Variants in CSMD1 observed in about 807,000 individuals in gnomAD.
CSMD1 encodes CUB and Sushi multiple domains 1.
CSMD1 carries 213 observed loss-of-function variants against 417.5 expected under a neutral mutation model. The ratio of observed to expected loss-of-function variants is 0.51; its 90% CI spans 0.46 to 0.57. The LOEUF (loss-of-function observed/expected upper bound fraction) is 0.57. Among genes scored for constraint, CSMD1 ranks in the 20% least tolerant of loss-of-function variants. The pLI is 0.00. For missense variants in CSMD1, 6,923 were observed against 4,529.7 expected, an observed-to-expected ratio of 1.53 and a Z score of -15.17; for synonymous variants, 2,862 against 1,736.8, an observed-to-expected ratio of 1.65 and a Z score of -16.11.
chr8:4,694,563 C>T (rs1806993856), intron 1 of CSMD1, among the ~76,000 whole-genome samples: 2 of 151,860 alleles, frequency 1.3e-5, no homozygotes, highest in Admixed American at 1.3e-4. Flanking sequence ...CGGGGTTTCA[C>T]CATATTAGCC....
At chr8:3,494,781 C>A (rs573626313) in intron 10 of CSMD1, among the ~76,000 whole-genome samples, 1 of 152,056 alleles carries the variant, frequency 6.6e-6, no homozygotes, top group Non-Finnish European at 1.5e-5. Context: ...GGAACAGAAA[C>A]CATAATACTG....
chr8:4,379,870 G>A (rs1371584565), intron 3 of CSMD1, among the ~76,000 whole-genome samples: 3 of 152,202 alleles, frequency 2.0e-5, no homozygotes, highest in African/African-American at 4.8e-5. Context: ...ATGTTCACAT[G>A]CTGGCATGCT....
At chr8:3,615,023 A>G (rs1013001101) in intron 8 of CSMD1, among the ~76,000 whole-genome samples, 13 of 152,172 alleles carry the variant, frequency 8.5e-5, no homozygotes, top group Admixed American at 3.9e-4. Context: ...GGGCAATTTT[A>G]TTTCGTTGCT....
rs200578726 is a variant in CSMD1, at chr8:3,162,309, T to C, written c.5726-32A>G. On this transcript the variant is annotated intron_variant, in intron 37 of 69. Coordinates refer to ENST00000635120, the MANE Select transcript of CSMD1 (RefSeq NM_033225.6). ...ATGCAAAGACAAATGCTAGAAATTA[T>C]ATGATGTAAACAATATTCTTATCAT... 2.4e-4 allele frequency: 327 copies of C among 1,350,470 alleles called. 1 individual carries two copies. Among genetic ancestry groups the C allele is most frequent in the Non-Finnish European group, 3.2e-4 (304 of 957,980 alleles). The allele number at this position is 1,350,470 out of a possible 1,614,324, so 83.7% of individuals were successfully genotyped here. A position where few individuals can be genotyped will look rare whatever the true frequency, so the allele number is the denominator to read the frequency against.
intron 3 of CSMD1, among the ~76,000 whole-genome samples, chr8:4,221,991 C>T (rs965507310): frequency 2.6e-5 from 4 of 152,030 alleles, no homozygotes; most frequent in African/African-American, 7.3e-5. Context: ...GTCCACCCAA[C>T]GGTCTGTCCC....
At chr8:3,052,672 G>A in intron 49 of CSMD1, 25 bp from the exon 50 acceptor site, 6 of 1,487,532 alleles carry the variant, frequency 4.0e-6, no homozygotes, top group Non-Finnish European at 5.4e-6. Context: ...AACAAATGTA[G>A]GCTTATTCTT....
chr8:3,528,389 G>C (rs971502358), intron 10 of CSMD1, among the ~76,000 whole-genome samples: 77 of 152,284 alleles, frequency 5.1e-4, no homozygotes, highest in African/African-American at 1.7e-3. Flanking sequence ...AAGAGCACTT[G>C]TCTTAGCACT....
chr8:4,395,917 G>C (rs1024455335), intron 3 of CSMD1, among the ~76,000 whole-genome samples: 16 of 152,186 alleles, frequency 1.1e-4, no homozygotes, highest in African/African-American at 2.7e-4. Flanking sequence ...TTGTAAGTCT[G>C]ACAGTTTTTG....
chr8:3,393,497 T>C (rs932679573), intron 17 of CSMD1, among the ~76,000 whole-genome samples: 3 of 152,160 alleles, frequency 2.0e-5, no homozygotes, highest in African/African-American at 7.2e-5. Flanking sequence ...ATTTTTTTCA[T>C]GTGTCTGTTG....
chr8:4,031,133 A>C (rs568551809), intron 4 of CSMD1, among the ~76,000 whole-genome samples: 1 of 152,334 alleles, frequency 6.6e-6, no homozygotes, highest in East Asian at 1.9e-4. Flanking sequence ...AAACTGTTCT[A>C]AACTCTGCCT....
rs1041620157 is a variant in CSMD1, at chr8:4,799,417, C to T, written c.86-161859G>A. The stretch of plus-strand genomic sequence containing the variant: ...GTCATCCTCAGCCCGGCCACCATGG[C>T]AAAACCCCCTCTCTACTAAAAATAC... On this transcript the variant is annotated intron_variant, in intron 1 of 69. Transcript: ENST00000635120. Among the ~76,000 whole-genome samples, 118 of 151,598 alleles carry T rather than the reference C, an allele frequency of 7.8e-4. 1 individual carries two copies. Among genetic ancestry groups the T allele is most frequent in the Admixed American group, 7.7e-3 (117 of 15,222 alleles).
chr8:4,395,819 T>G (rs1186970219), intron 3 of CSMD1, among the ~76,000 whole-genome samples: 1 of 152,156 alleles, frequency 6.6e-6, no homozygotes, highest in Non-Finnish European at 1.5e-5. Flanking sequence ...ACCCTCAAAG[T>G]AGATACACAT....
intron 3 of CSMD1, among the ~76,000 whole-genome samples, chr8:4,295,779 TATATATATACAC>T (rs1409250048): frequency 3.1e-4 from 16 of 52,310 alleles, no homozygotes; most frequent in Non-Finnish European, 7.5e-4. Flanking sequence ...TATATATATA[TATATATATACAC>T]ACACACATCT....
chr8:3,949,555 G>T (rs903342827), intron 5 of CSMD1, among the ~76,000 whole-genome samples: 1 of 152,116 alleles, frequency 6.6e-6, no homozygotes, highest in African/African-American at 2.4e-5. Context: ...CTAATTTGGG[G>T]TTATTTTGGG....
At chr8:4,437,674 A>G (rs1028545637) in intron 2 of CSMD1, among the ~76,000 whole-genome samples, 1 of 152,182 alleles carries the variant, frequency 6.6e-6, no homozygotes, top group Admixed American at 6.5e-5. Flanking sequence ...GTTTAACCTA[A>G]TATTTATAAG....
intron 10 of CSMD1, among the ~76,000 whole-genome samples, chr8:3,568,318 CCTT>C (rs1435628910): frequency 6.6e-6 from 1 of 152,118 alleles, no homozygotes; most frequent in Non-Finnish European, 1.5e-5. Flanking sequence ...GGCAGAATTT[CCTT>C]CTTTTTATAG....
At chr8:3,266,784 C>CAAA (rs10595372) in intron 26 of CSMD1, among the ~76,000 whole-genome samples, 8 of 131,538 alleles carry the variant, frequency 6.1e-5, no homozygotes, top group African/African-American at 2.2e-4. Context: ...TAAAAAAAAT[C>CAAA]AAAAAAAAAA....
At chr8:4,871,180 G>A (rs1802716925) in intron 1 of CSMD1, among the ~76,000 whole-genome samples, 1 of 152,152 alleles carries the variant, frequency 6.6e-6, no homozygotes, top group Non-Finnish European at 1.5e-5. Flanking sequence ...GATTCATCAT[G>A]TATGAGTATT....
At chr8:3,751,210 C>A (rs566816560) in intron 6 of CSMD1, among the ~76,000 whole-genome samples, 1 of 151,852 alleles carries the variant, frequency 6.6e-6, no homozygotes, top group Non-Finnish European at 1.5e-5. Context: ...TTAAGCCAGG[C>A]TTACCTCTCT....
Sources: gnomAD v4.1 joint callset for allele counts (sites outside exome capture counted in the v4.1 genomes callset) on GRCh38, gnomAD v4.1.1 for gene constraint, MANE v1.5 for transcripts, NCBI Gene and HGNC (gene_info 2026-07-23, HGNC 2026-07-21) for gene names.